INPP4B: variants seen among roughly 807,000 people sequenced by gnomAD.
INPP4B encodes inositol polyphosphate-4-phosphatase type II B.
In INPP4B, 55 loss-of-function variants were observed where a neutral mutation model predicts 122.5. The ratio of observed to expected loss-of-function variants is 0.45; its 90% CI spans 0.36 to 0.56. The LOEUF is 0.56. Ranked by LOEUF, INPP4B falls within the 20% of genes least tolerant of loss-of-function variation. The pLI is 0.00. For synonymous variants in INPP4B, 403 were observed against 388.7 expected (o/e 1.04, Z -0.43); for missense variants, 1,000 against 1,097.7 (o/e 0.91, Z 1.26).
chr4:142,167,331 G>T lies in INPP4B; in HGVS notation c.1359+6301C>A, dbSNP rs544476027. ...ACTACATGTTCTCACTTATAAGTGG[G>T]AGTTGAACAATGAGAACACATGGAC... On this transcript the variant is annotated intron_variant, in intron 16 of 25. Coordinates refer to ENST00000262992, the MANE Select transcript of INPP4B (RefSeq NM_001101669.3). Among the ~76,000 whole-genome samples, 10 of 151,984 alleles carry T rather than the reference G, an allele frequency of 6.6e-5. No individual in the cohort carries two copies. The South Asian group carries it at 2.1e-3, about 31-fold the overall frequency.
At chr4:142,755,358 A>C (rs1199725678) in intron 1 of INPP4B, among the ~76,000 whole-genome samples, 1 of 151,994 alleles carries the variant, frequency 6.6e-6, no homozygotes, top group Non-Finnish European at 1.5e-5. Flanking sequence ...AACTTTTTCA[A>C]ACAAATTTTT....
intron 2 of INPP4B, among the ~76,000 whole-genome samples, chr4:142,703,868 T>G (rs1324387503): frequency 1.3e-5 from 2 of 152,194 alleles, no homozygotes; most frequent in East Asian, 3.9e-4. Context: ...AGTGGCTGAT[T>G]TCTGGAGCTC....
chr4:142,063,317 C>T (rs1446634664), intron 25 of INPP4B, among the ~76,000 whole-genome samples: 2 of 152,106 alleles, frequency 1.3e-5, no homozygotes, highest in Non-Finnish European at 2.9e-5. Flanking sequence ...CCACCCTGCC[C>T]AGGAGCCCAA....
At chr4:142,049,923 C>T (rs1753594153) in intron 25 of INPP4B, among the ~76,000 whole-genome samples, 1 of 151,742 alleles carries the variant, frequency 6.6e-6, no homozygotes, top group South Asian at 2.1e-4. Context: ...CATTAAAATA[C>T]AAAGTAGAAA....
At chr4:142,030,258 GT>G (rs1738961611) in intron 25 of INPP4B, 1 of 1,535,314 alleles carries the variant, frequency 6.5e-7, no homozygotes, top group Non-Finnish European at 8.7e-7. Context: ...TAGACAGCCT[GT>G]TTCAGGATCA....
chr4:142,760,669 T>G (rs1580852904), intron 1 of INPP4B, among the ~76,000 whole-genome samples: 1 of 152,178 alleles, frequency 6.6e-6, no homozygotes, highest in African/African-American at 2.4e-5. Context: ...ATTTTAATGA[T>G]TCTACCTATT....
chr4:142,668,513 A>G (rs894370942), intron 2 of INPP4B, among the ~76,000 whole-genome samples: 3 of 152,218 alleles, frequency 2.0e-5, no homozygotes, highest in Non-Finnish European at 4.4e-5. Flanking sequence ...ATTAGTCAAG[A>G]AAAGGAAATA....
chr4:142,029,295 T>A, intron 25 of INPP4B: 1 of 987,164 alleles, frequency 1.0e-6, no homozygotes, highest in African/African-American at 1.7e-5. Flanking sequence ...GCCCTAAGGA[T>A]GCAGGTTCTA....
At chr4:142,541,111 T>C (rs553884138) in intron 2 of INPP4B, among the ~76,000 whole-genome samples, 2 of 152,326 alleles carry the variant, frequency 1.3e-5, no homozygotes, top group African/African-American at 4.8e-5. Context: ...TCATAACAAG[T>C]ATCAATAACT....
intron 2 of INPP4B, among the ~76,000 whole-genome samples, chr4:142,470,905 A>C (rs559345316): frequency 1.3e-5 from 2 of 152,228 alleles, no homozygotes; most frequent in Non-Finnish European, 2.9e-5. Flanking sequence ...ATATTCAACA[A>C]TAGAGGAATC....
chr4:142,317,200 G>A (rs771939781), intron 7 of INPP4B: 1 of 227,084 alleles, frequency 4.4e-6, no homozygotes, highest in Non-Finnish European at 9.2e-6. Context: ...TCAGGGGGAA[G>A]AGTAAGAGTT....
At chr4:142,500,610 C>T (rs1045668210) in intron 2 of INPP4B, among the ~76,000 whole-genome samples, 9 of 152,140 alleles carry the variant, frequency 5.9e-5, no homozygotes, top group African/African-American at 1.9e-4. Context: ...TGTTCACCCA[C>T]GGAGGGCATT....
chr4:142,505,479 G>A (rs1184911356), intron 2 of INPP4B, among the ~76,000 whole-genome samples: 1 of 152,008 alleles, frequency 6.6e-6, no homozygotes, highest in Non-Finnish European at 1.5e-5. Flanking sequence ...ACCAACTGGA[G>A]GTAAGACTCC....
chr4:142,639,172 A>T (rs1024884985), intron 2 of INPP4B, among the ~76,000 whole-genome samples: 5 of 151,820 alleles, frequency 3.3e-5, no homozygotes, highest in African/African-American at 1.2e-4. Context: ...ACTGGATTTG[A>T]TTTCTTAGTA....
At chr4:142,202,715 A>T (rs116451524) in intron 14 of INPP4B, 1 of 981,574 alleles carries the variant, frequency 1.0e-6, no homozygotes. Context: ...TTTAAAACAT[A>T]TATTAGTTAA....
chr4:142,385,905 T>C lies in INPP4B; in HGVS notation c.372+17033A>G, dbSNP rs1339273738. 2.0e-5 allele frequency among the ~76,000 whole-genome samples: 3 copies of C among 152,302 alleles called. No homozygotes were observed. The East Asian group carries it at 5.8e-4, about 29-fold the overall frequency. ...TCTTCTCACATAGTTGTTACTTTTT[T>C]GTGGTGAGAATATTTAAAATCTTCT... On this transcript the variant is annotated intron_variant, in intron 7 of 25. Transcript: ENST00000262992.
intron 17 of INPP4B, among the ~76,000 whole-genome samples, chr4:142,157,378 CA>C (rs1423415520): frequency 6.6e-6 from 1 of 151,960 alleles, no homozygotes; most frequent in South Asian, 2.1e-4. Context: ...TGTTATATAC[CA>C]AACAAACTCG....
chr4:142,484,773 C>T (rs1404981546), intron 2 of INPP4B, among the ~76,000 whole-genome samples: 1 of 152,008 alleles, frequency 6.6e-6, no homozygotes, highest in African/African-American at 2.4e-5. Context: ...ACTCTCCACC[C>T]TTCGACAGGT....
chr4:142,158,623 T>C (rs1818458287), intron 17 of INPP4B, among the ~76,000 whole-genome samples: 1 of 152,136 alleles, frequency 6.6e-6, no homozygotes, highest in South Asian at 2.1e-4. Flanking sequence ...TGTTGCAAAA[T>C]GTTGTAACTA....
Sources: gnomAD v4.1 joint callset for allele counts (sites outside exome capture counted in the v4.1 genomes callset) on GRCh38, gnomAD v4.1.1 for gene constraint, MANE v1.5 for transcripts, NCBI Gene and HGNC (gene_info 2026-07-23, HGNC 2026-07-21) for gene names.